The following CDYL2 variants were observed in gnomAD, a reference collection of about 807,000 sequenced individuals.
CDYL2 encodes the protein chromodomain Y-like protein 2.
CDYL2 carries 23 observed loss-of-function variants against 49.4 expected under a neutral mutation model. The ratio of observed to expected loss-of-function variants is 0.47; its 90% CI spans 0.34 to 0.66. The LOEUF is 0.66. Ranked by LOEUF, CDYL2 falls within the 30% of genes least tolerant of loss-of-function variation. CDYL2 has a pLI of 0.01. For synonymous variants in CDYL2, 360 were observed against 268.8 expected, an observed-to-expected ratio of 1.34 and a Z score of -3.32; for missense variants, 678 against 656.4, an observed-to-expected ratio of 1.03 and a Z score of -0.36.
Position 80,676,961 on chromosome 16 carries a change from GTA to G in CDYL2, c.616+7575_616+7576del, listed in dbSNP as rs764193277. On this transcript the variant is annotated intron_variant, in intron 2 of 6. Transcript: ENST00000570137. ...AGGACTTTTTAACAACCAATTCAAT[GTA>G]TTTTTTTTTTTTTTTTTTTTTTTTT... Among the ~76,000 whole-genome samples the G allele has an allele frequency of 4.1e-3, 449 of 110,536 alleles. 13 individuals carry two copies. The highest frequency in any genetic ancestry group is 7.0e-3 in the South Asian group (23 of 3,288). The allele number at this position is 110,536 out of a possible 152,430, so 72.5% of individuals were successfully genotyped here.
intron 2 of CDYL2, among the ~76,000 whole-genome samples, chr16:80,668,510 A>T (rs1323604733): frequency 1.3e-5 from 2 of 151,490 alleles, no homozygotes; most frequent in Admixed American, 1.3e-4. Flanking sequence ...TAATATATAT[A>T]AATACATATA....
In CDYL2 at chr16:80,781,564, C is replaced by T. The variant is rs113587718; in HGVS notation, c.24+22586G>A. On this transcript the variant is annotated intron_variant, in intron 1 of 6. Coordinates refer to ENST00000570137, the MANE Select transcript of CDYL2 (RefSeq NM_152342.4). ...ACAGATACATACAGAACATCCCACCCAACAACAACAGAGCATACATTCTTC... is the reference window on the plus strand; with the variant it reads ...ACAGATACATACAGAACATCCCACCTAACAACAACAGAGCATACATTCTTC... 1.0e-3 allele frequency among the ~76,000 whole-genome samples: 159 copies of T among 152,210 alleles called. 1 individual carries two copies. Among genetic ancestry groups the T allele is most frequent in the African/African-American group, 3.5e-3 (147 of 41,534 alleles).
chr16:80,639,919 C>T (rs1005511733), intron 2 of CDYL2, among the ~76,000 whole-genome samples: 25 of 152,182 alleles, frequency 1.6e-4, no homozygotes, highest in Admixed American at 1.2e-3. Context: ...AGCATTTAGA[C>T]CAGCCCTAGC....
intron 1 of CDYL2, among the ~76,000 whole-genome samples, chr16:80,687,148 A>G (rs1228761154): frequency 6.6e-6 from 1 of 152,238 alleles, no homozygotes; most frequent in Non-Finnish European, 1.5e-5. Context: ...GAAAGAGAGT[A>G]AGCAATCTGA....
chr16:80,626,592 A>C (rs1567545963), intron 3 of CDYL2, among the ~76,000 whole-genome samples: 1 of 152,232 alleles, frequency 6.6e-6, no homozygotes, highest in South Asian at 2.1e-4. Context: ...AGAACACCCA[A>C]TCACTGGATT....
chr16:80,631,316 C>T (rs1397216658), intron 3 of CDYL2, among the ~76,000 whole-genome samples: 1 of 152,204 alleles, frequency 6.6e-6, no homozygotes, highest in Admixed American at 6.5e-5. Flanking sequence ...ACTGTTATCG[C>T]CATTTACCAC....
intron 1 of CDYL2, among the ~76,000 whole-genome samples, chr16:80,788,284 G>T (rs1052544425): frequency 3.9e-5 from 6 of 152,154 alleles, no homozygotes; most frequent in African/African-American, 1.4e-4. Flanking sequence ...ACTAAGATGT[G>T]CAGTCATCAC....
chr16:80,620,725 G>A (rs374873273), intron 4 of CDYL2, 38 bp downstream of exon 4: 12 of 1,511,352 alleles, frequency 7.9e-6, no homozygotes, highest in African/African-American at 7.0e-5. Flanking sequence ...GTAATCCTAC[G>A]CAGGACCCCA....
intron 1 of CDYL2, among the ~76,000 whole-genome samples, chr16:80,784,267 T>C (rs1907361944): frequency 6.6e-6 from 1 of 152,210 alleles, no homozygotes; most frequent in South Asian, 2.1e-4. Flanking sequence ...TTTACTCTTC[T>C]TTGTTTTTAA....
intron 1 of CDYL2, among the ~76,000 whole-genome samples, chr16:80,705,963 A>G (rs1340011730): frequency 6.6e-6 from 1 of 152,248 alleles, no homozygotes; most frequent in Non-Finnish European, 1.5e-5. Context: ...AGAAAAGCAT[A>G]TATTGAGCAT....
At chr16:80,743,417 C>T (rs558692874) in intron 1 of CDYL2, among the ~76,000 whole-genome samples, 14 of 152,204 alleles carry the variant, frequency 9.2e-5, no homozygotes, top group African/African-American at 3.1e-4. Context: ...CTCAAGGAAC[C>T]ACAGACAAAA....
chr16:80,791,775 G>A (rs1178641171), intron 1 of CDYL2, among the ~76,000 whole-genome samples: 1 of 152,088 alleles, frequency 6.6e-6, no homozygotes, highest in Non-Finnish European at 1.5e-5. Context: ...GTGAGAAGGA[G>A]TCAAGCCACA....
intron 1 of CDYL2, among the ~76,000 whole-genome samples, chr16:80,803,793 C>T (rs1908005551): frequency 6.9e-6 from 1 of 144,654 alleles, no homozygotes; most frequent in Non-Finnish European, 1.5e-5. Context: ...TTTCTGTACT[C>T]GAGGCGGCTC....
intron 6 of CDYL2, 123 bp downstream of exon 6, chr16:80,607,969 G>A: frequency 8.7e-7 from 1 of 1,143,028 alleles, no homozygotes; most frequent in Non-Finnish European, 1.2e-6. Flanking sequence ...AAATTGCAAA[G>A]GGTCTTTTGC....
At chr16:80,632,305 C>G (rs985364892) in intron 3 of CDYL2, among the ~76,000 whole-genome samples, 15 of 152,082 alleles carry the variant, frequency 9.9e-5, no homozygotes, top group African/African-American at 3.1e-4. Flanking sequence ...GTGAAAAAAG[C>G]CAGACACAAA....
At chr16:80,679,636 C>A in intron 2 of CDYL2, 1 of 454,400 alleles carries the variant, frequency 2.2e-6, no homozygotes, top group South Asian at 1.6e-5. Flanking sequence ...AACTTTCAAC[C>A]TTACAGCTTT....
chr16:80,715,474 T>A (rs1177411270), intron 1 of CDYL2, among the ~76,000 whole-genome samples: 1 of 152,188 alleles, frequency 6.6e-6, no homozygotes, highest in Non-Finnish European at 1.5e-5. Flanking sequence ...TGAATGTCTT[T>A]GCAAGACATT....
At chr16:80,804,630 C>A (rs1392209193), upstream of CDYL2, among the ~76,000 whole-genome samples, 1 of 145,192 alleles carries the variant, frequency 6.9e-6, no homozygotes, top group Non-Finnish European at 1.5e-5. Flanking sequence ...GAGCCCGGCC[C>A]GGCCCCCGGG....
In CDYL2 at chr16:80,602,342, C is replaced by G. The variant is rs1386930249; in HGVS notation, c.*2046G>C. ...CACAGGACTTTAATTCCATCCTCCT[C>G]TGGCTGAAGGAGAGGTTTCCCCTCC... On this transcript the variant is annotated 3_prime_UTR_variant, in exon 7 of 7. Coordinates refer to ENST00000570137, the MANE Select transcript of CDYL2 (RefSeq NM_152342.4). 6.6e-6 allele frequency: 1 copy of G among 152,194 alleles called. No individual in the cohort carries two copies. The highest frequency in any genetic ancestry group is 2.4e-5 in the African/African-American group (1 of 41,432). The allele number at this position is 152,194 out of a possible 1,614,324, so 9.4% of individuals were successfully genotyped here. A position where few individuals can be genotyped will look rare whatever the true frequency, so the allele number is the denominator to read the frequency against.
Sources: gnomAD v4.1 joint callset for allele counts (sites outside exome capture counted in the v4.1 genomes callset) on GRCh38, gnomAD v4.1.1 for gene constraint, MANE v1.5 for transcripts, NCBI Gene and HGNC (gene_info 2026-07-23, HGNC 2026-07-21) for gene names.